Variants in HOGA1 observed in about 807,000 individuals in gnomAD.
HOGA1 encodes the protein 4-hydroxy-2-oxoglutarate aldolase, mitochondrial.
HOGA1 carries 30 observed loss-of-function variants against 34.3 expected under a neutral mutation model. The ratio of observed to expected loss-of-function variants is 0.87; its 90% CI spans 0.65 to 1.19. The LOEUF (loss-of-function observed/expected upper bound fraction) is 1.19, where lower values mean the gene tolerates loss of function less well. HOGA1 is among the 50% of genes most tolerant of loss of function. The pLI is 0.00. For missense variants in HOGA1, 417 were observed against 436.5 expected, an observed-to-expected ratio of 0.96 and a Z score of 0.40; for synonymous variants, 161 against 174.0, an observed-to-expected ratio of 0.93 and a Z score of 0.59.
chr10:97,595,476 A>C (rs1323196365), intron 1 of HOGA1, among the ~76,000 whole-genome samples: 1 of 152,210 alleles, frequency 6.6e-6, no homozygotes, highest in Non-Finnish European at 1.5e-5. Flanking sequence ...CAGGCGGATC[A>C]CCTGAGGCCA....
rs1212671022 is a variant in HOGA1, at chr10:97,599,137, C to A, written c.389C>A (p.Ala130Asp). 6.2e-7 allele frequency: 1 copy of A among 1,613,812 alleles called. No individual in the cohort carries two copies. Among genetic ancestry groups the A allele is most frequent in the South Asian group, 1.1e-5 (1 of 91,086 alleles). Residue 130 changes from alanine to aspartate, a missense_variant, in exon 3 of 7, where the codon GCT becomes GAT. Physicochemically the swap from Ala to Asp is moderately radical, Grantham distance 126. Coordinates refer to ENST00000370646, the MANE Select transcript of HOGA1 (RefSeq NM_138413.4). The part of the protein sequence containing the change: ...EMTVSMAQVG[A>D]DAAMVVTPCY... ...ACCGTCAGCATGGCCCAGGTCGGGG[C>A]TGACGCGGCCATGGTGGTGACCCCT...
At chr10:97,600,432 T>G (rs1302833349) in intron 5 of HOGA1, 4 of 536,002 alleles carry the variant, frequency 7.5e-6, no homozygotes, top group Non-Finnish European at 1.3e-5. Flanking sequence ...AGTCCTGAGC[T>G]CCATGATTAG....
At chr10:97,600,591 G>A (rs2135722911) in intron 5 of HOGA1, 1 of 265,432 alleles carries the variant, frequency 3.8e-6, no homozygotes, top group East Asian at 9.5e-5. Flanking sequence ...TTGAGCCAGG[G>A]ATCTTCAGTT....
At chr10:97,597,827 T>C (rs925512517) in intron 1 of HOGA1, among the ~76,000 whole-genome samples, 2 of 152,114 alleles carry the variant, frequency 1.3e-5, no homozygotes, top group Non-Finnish European at 2.9e-5. Context: ...GCATGGTAGC[T>C]CATGCCTGTA....
rs778696295 is a variant in HOGA1, at chr10:97,584,736, G to T, written c.33G>T (p.Arg11Ser). The change falls in exon 1 of 7, where the codon AGG becomes AGT. Residue 11 changes from arginine to serine, a missense_variant. Coordinates refer to ENST00000370646, the MANE Select transcript of HOGA1 (RefSeq NM_138413.4). ...GTCCCCAAGTCTGGTCTTCTGTGAG[G>T]CAGGGGCTAAGCAGGAGCTTGTCCA... MLGPQVWSSV[R>S]QGLSRSLSRN... The T allele has an allele frequency of 2.3e-5, 37 of 1,611,946 alleles. No homozygotes were observed. Among genetic ancestry groups the T allele is most frequent in the Non-Finnish European group, 3.1e-5 (36 of 1,178,764 alleles).
chr10:97,588,811 G>A (rs551232439), intron 1 of HOGA1, among the ~76,000 whole-genome samples: 57 of 151,974 alleles, frequency 3.8e-4, no homozygotes, highest in Non-Finnish European at 5.3e-4. Flanking sequence ...TTTGTTTAAA[G>A]CATCACAATG....
chr10:97,594,735 C>T (rs2041055960), intron 1 of HOGA1, among the ~76,000 whole-genome samples: 2 of 152,130 alleles, frequency 1.3e-5, no homozygotes, highest in Non-Finnish European at 2.9e-5. Flanking sequence ...AAATAGTCCA[C>T]CCGTCTTGGC....
rs1385861140 is a variant in HOGA1, at chr10:97,600,073, A to G, written c.610A>G (p.Arg204Gly). 6.2e-7 allele frequency: 1 copy of G among 1,614,156 alleles called. No individual in the cohort carries two copies. Among genetic ancestry groups the G allele is most frequent in the Non-Finnish European group, 8.5e-7 (1 of 1,179,998 alleles). ...ACCACATTTGCTGTTGCAGGTGACC[A>G]GGATTGGGCTGATTGTTCACAAGAC... ...GMKDSGGDVT[R>G]IGLIVHKTRK... is the part of the protein sequence containing the mutation. The change falls in exon 5 of 7, where the codon AGG (arginine) becomes GGG (glycine). Residue 204 changes from arginine (R) to glycine (G), a missense_variant. By Grantham distance (125) the Arg-to-Gly change is moderately radical (BLOSUM62 -2). Transcript: ENST00000370646.
At chr10:97,593,962 G>A (rs1273911445) in intron 1 of HOGA1, among the ~76,000 whole-genome samples, 4 of 151,854 alleles carry the variant, frequency 2.6e-5, no homozygotes, top group South Asian at 2.1e-4. Flanking sequence ...TCTGCCTCCC[G>A]GGTTCAAGCG....
At chr10:97,595,620 G>A (rs772859770) in intron 1 of HOGA1, among the ~76,000 whole-genome samples, 55 of 152,200 alleles carry the variant, frequency 3.6e-4, no homozygotes, top group Non-Finnish European at 7.1e-4. Context: ...GCTTGAGCCT[G>A]GGAGACAGAG....
intron 6 of HOGA1, among the ~76,000 whole-genome samples, chr10:97,605,822 A>T (rs2041152802): frequency 6.6e-6 from 1 of 152,130 alleles, no homozygotes; most frequent in African/African-American, 2.4e-5. Context: ...ATAGCTTCTA[A>T]ATACTAGTCC....
Position 97,600,720 on chromosome 10 carries a change from G to A in HOGA1, c.700+557G>A, listed in dbSNP as rs1188752367. On this transcript the variant is annotated intron_variant, in intron 5 of 6. Coordinates refer to ENST00000370646, the MANE Select transcript of HOGA1 (RefSeq NM_138413.4). ...ATTAGATTTGAGCCCTGGAGGGAAG[G>A]GAGAAGAAGGGAAGCTGTTCCCTTC... 1.8e-5 allele frequency: 3 copies of A among 169,546 alleles called. No homozygotes were observed. In the East Asian group the frequency reaches 4.7e-4, roughly 27 times the overall value. 10.5% of individuals were successfully genotyped at this position (169,546 alleles called of 1,614,324 possible).
intron 1 of HOGA1, among the ~76,000 whole-genome samples, chr10:97,597,817 G>T (rs546241449): frequency 1.3e-5 from 2 of 152,242 alleles, no homozygotes; most frequent in African/African-American, 4.8e-5. Context: ...AATTAGTTGG[G>T]CATGGTAGCT....
intron 4 of HOGA1, 52 bp downstream of exon 4, chr10:97,599,866 T>C: frequency 6.2e-7 from 1 of 1,613,474 alleles, no homozygotes; most frequent in South Asian, 1.1e-5. Context: ...TTCTGGGTCC[T>C]AGCACTTTTG....
chr10:97,602,527 G>A (rs2041127395), intron 6 of HOGA1: 1 of 985,290 alleles, frequency 1.0e-6, no homozygotes, highest in Admixed American at 6.2e-5. Flanking sequence ...CGCCCATCAA[G>A]TTCAGGGTCA....
chr10:97,604,289 A>C (rs1423635428), intron 6 of HOGA1, among the ~76,000 whole-genome samples: 1 of 152,152 alleles, frequency 6.6e-6, no homozygotes, highest in Admixed American at 6.5e-5. Flanking sequence ...ATTTCTGAGT[A>C]GGATACCATG....
chr10:97,591,497 G>A (rs61863283), intron 1 of HOGA1, among the ~76,000 whole-genome samples: 42,575 of 151,972 alleles, frequency 0.28, 6,093 homozygotes, highest in South Asian at 0.29. Flanking sequence ...ATAGGTAAAC[G>A]TGTGCCATGG....
chr10:97,600,031 C>G, intron 4 of HOGA1, 36 bp from the exon 5 acceptor site: 1 of 1,597,488 alleles, frequency 6.3e-7, no homozygotes, highest in Non-Finnish European at 8.6e-7. Flanking sequence ...GGATGAGGCT[C>G]TGGGCACAGC....
chr10:97,602,689 CCTT>C, intron 6 of HOGA1: 1 of 756,032 alleles, frequency 1.3e-6, no homozygotes, highest in Non-Finnish European at 1.6e-6. Flanking sequence ...TTCTTTCTTT[CCTT>C]CTTTCTTTTT....
Sources: allele counts gnomAD v4.1 joint callset (sites outside exome capture counted in the v4.1 genomes callset), GRCh38; gene constraint gnomAD v4.1.1; transcripts MANE v1.5; gene names NCBI Gene and HGNC (gene_info 2026-07-23, HGNC 2026-07-21).